OPCML: variants seen among roughly 807,000 people sequenced by gnomAD.
The protein encoded by OPCML is opioid binding protein/cell adhesion molecule like, also known as opioid-binding protein/cell adhesion molecule.
OPCML carries 13 observed loss-of-function variants against 37.8 expected under a neutral mutation model. That is an observed-to-expected ratio of 0.34 (90% CI 0.22 to 0.55). The LOEUF (loss-of-function observed/expected upper bound fraction) is 0.55. Among genes scored for constraint, OPCML ranks in the 20% least tolerant of loss-of-function variants. The pLI is 0.91. For missense variants in OPCML, 341 were observed against 435.6 expected (o/e 0.78, Z 1.93); for synonymous variants, 176 against 168.8 (o/e 1.04, Z -0.33).
At chr11:132,536,925 G>A (rs1232687618) in intron 3 of OPCML, among the ~76,000 whole-genome samples, 2 of 152,156 alleles carry the variant, frequency 1.3e-5, no homozygotes, top group African/African-American at 2.4e-5. Flanking sequence ...GTGCACTTGT[G>A]TGCTCATATG....
chr11:132,818,140 A>G (rs981140709), intron 2 of OPCML, among the ~76,000 whole-genome samples: 7 of 152,150 alleles, frequency 4.6e-5, no homozygotes, highest in African/African-American at 1.7e-4. Flanking sequence ...CCAGGGTCCA[A>G]CCATTCACAG....
At chr11:133,245,797 G>A (rs1940899448) in intron 1 of OPCML, among the ~76,000 whole-genome samples, 1 of 152,174 alleles carries the variant, frequency 6.6e-6, no homozygotes, top group East Asian at 1.9e-4. Flanking sequence ...ATAAAAAGGA[G>A]TGAGTTCATG....
At chr11:133,531,621 G>T (rs114318667) in intron 1 of OPCML, among the ~76,000 whole-genome samples, 1,853 of 152,164 alleles carry the variant, frequency 0.012, 36 homozygotes, top group African/African-American at 0.039. Flanking sequence ...AACAAGAAAT[G>T]CAGGAGCAGA....
chr11:132,946,817 G>A (rs375249671), intron 1 of OPCML, among the ~76,000 whole-genome samples: 2 of 152,176 alleles, frequency 1.3e-5, no homozygotes, highest in African/African-American at 4.8e-5. Context: ...CATGACACAT[G>A]TCTTTTCTCA....
At chr11:133,381,697 G>A (rs905079527) in intron 1 of OPCML, among the ~76,000 whole-genome samples, 2 of 152,338 alleles carry the variant, frequency 1.3e-5, no homozygotes, top group South Asian at 2.1e-4. Flanking sequence ...TGAGCGTAAC[G>A]AGTCAGAAAT....
intron 2 of OPCML, among the ~76,000 whole-genome samples, chr11:132,826,927 T>C (rs758592015): frequency 2.0e-5 from 3 of 152,128 alleles, no homozygotes; most frequent in South Asian, 2.1e-4. Context: ...GGAAGAAATA[T>C]AGGTATAAAG....
chr11:133,051,068 C>T (rs1048677328), intron 1 of OPCML, among the ~76,000 whole-genome samples: 2 of 151,600 alleles, frequency 1.3e-5, no homozygotes, highest in African/African-American at 4.8e-5. Context: ...TACACACACA[C>T]ACACACACAC....
At chr11:132,967,293 C>T (rs991582698) in intron 1 of OPCML, among the ~76,000 whole-genome samples, 1 of 151,988 alleles carries the variant, frequency 6.6e-6, no homozygotes, top group African/African-American at 2.4e-5. Flanking sequence ...TTCTATATAG[C>T]TTTATGCCCT....
At chr11:133,382,386 G>A (rs1292870437) in intron 1 of OPCML, among the ~76,000 whole-genome samples, 1 of 152,184 alleles carries the variant, frequency 6.6e-6, no homozygotes, top group African/African-American at 2.4e-5. Flanking sequence ...TCATTCGTGA[G>A]CGATTGGAGA....
intron 2 of OPCML, among the ~76,000 whole-genome samples, chr11:132,734,354 G>T (rs1945184133): frequency 6.6e-6 from 1 of 152,110 alleles, no homozygotes; most frequent in Non-Finnish European, 1.5e-5. Context: ...ATCACAAAAG[G>T]CGTTGCAGTT....
At chr11:133,309,507 C>T (rs906595435) in intron 1 of OPCML, among the ~76,000 whole-genome samples, 10 of 152,128 alleles carry the variant, frequency 6.6e-5, no homozygotes, top group East Asian at 5.8e-4. Flanking sequence ...GAAGAAGACA[C>T]GACAACTAAA....
chr11:132,952,679 A>G (rs1395206428), intron 1 of OPCML, among the ~76,000 whole-genome samples: 10 of 152,084 alleles, frequency 6.6e-5, no homozygotes, highest in Non-Finnish European at 1.5e-4. Flanking sequence ...CTGGCTTCCA[A>G]TCCCAGCTCT....
At chr11:132,650,387 T>C (rs927518937) in intron 3 of OPCML, among the ~76,000 whole-genome samples, 1 of 152,218 alleles carries the variant, frequency 6.6e-6, no homozygotes, top group Non-Finnish European at 1.5e-5. Context: ...TGAATTACAC[T>C]GACAAGTTGT....
chr11:133,323,220 A>G (rs114918554), intron 1 of OPCML, among the ~76,000 whole-genome samples: 2,639 of 152,258 alleles, frequency 0.017, 87 homozygotes, highest in African/African-American at 0.06. Flanking sequence ...AGTCCACATG[A>G]GGGTATCTGG....
intron 1 of OPCML, among the ~76,000 whole-genome samples, chr11:133,448,370 C>G (rs1946513219): frequency 6.6e-6 from 1 of 152,192 alleles, no homozygotes. Flanking sequence ...CATTTTTTCC[C>G]CGAACATTCA....
chr11:132,808,072 T>C (rs536269181), intron 2 of OPCML, among the ~76,000 whole-genome samples: 12 of 152,350 alleles, frequency 7.9e-5, no homozygotes, highest in African/African-American at 2.4e-5. Flanking sequence ...TGCTGTATCA[T>C]ATAGCTAGCT....
intron 1 of OPCML, among the ~76,000 whole-genome samples, chr11:133,281,881 A>G (rs1942168379): frequency 6.6e-6 from 1 of 152,098 alleles, no homozygotes; most frequent in South Asian, 2.1e-4. Flanking sequence ...CTGTATCCGC[A>G]CCCTAGGGAT....
At chr11:132,488,914 A>C (rs993145370) in intron 4 of OPCML, among the ~76,000 whole-genome samples, 2 of 152,182 alleles carry the variant, frequency 1.3e-5, no homozygotes, top group African/African-American at 4.8e-5. Context: ...TGGTTTGAGC[A>C]GAAGCGACAA....
chr11:132,769,423 C>T (rs563364877), intron 2 of OPCML, among the ~76,000 whole-genome samples: 29 of 152,088 alleles, frequency 1.9e-4, no homozygotes, highest in African/African-American at 6.5e-4. Context: ...GTGACTGGAG[C>T]CTCAGTAAGG....
Sources: allele counts gnomAD v4.1 joint callset (sites outside exome capture counted in the v4.1 genomes callset), GRCh38; gene constraint gnomAD v4.1.1; transcripts MANE v1.5; gene names NCBI Gene and HGNC (gene_info 2026-07-23, HGNC 2026-07-21).